Variants in FSTL4 observed in about 807,000 individuals in gnomAD.
FSTL4 encodes follistatin like 4.
FSTL4 carries 28 observed loss-of-function variants against 78.2 expected under a neutral mutation model. The observed-to-expected ratio is 0.36, with a 90% CI of 0.27 to 0.49. The LOEUF (loss-of-function observed/expected upper bound fraction) is 0.49. Among genes scored for constraint, FSTL4 ranks in the 20% least tolerant of loss-of-function variants. The pLI is 0.98. For synonymous variants in FSTL4, 422 were observed against 440.5 expected (o/e 0.96, Z 0.53); for missense variants, 922 against 1,084.9 (o/e 0.85, Z 2.11).
the FSTL4 span, among the ~76,000 whole-genome samples, chr5:133,762,644 C>T: frequency 6.6e-6 from 1 of 152,210 alleles, no homozygotes; most frequent in Non-Finnish European, 1.5e-5. Context: ...CTGCTGCCCT[C>T]CATGTGTTAA....
chr5:133,742,628 C>T, the FSTL4 span, among the ~76,000 whole-genome samples: 1 of 152,036 alleles, frequency 6.6e-6, no homozygotes, highest in Non-Finnish European at 1.5e-5. Context: ...TCTCGGAGGG[C>T]TGACCCTAAG....
the FSTL4 span, among the ~76,000 whole-genome samples, chr5:133,759,610 T>C: frequency 6.6e-6 from 1 of 152,214 alleles, no homozygotes; most frequent in East Asian, 1.9e-4. Flanking sequence ...TATACAAGTA[T>C]ACAAAAAATT....
At chr5:133,558,751 A>G (rs1298093404) in intron 3 of FSTL4, among the ~76,000 whole-genome samples, 1 of 152,168 alleles carries the variant, frequency 6.6e-6, no homozygotes, top group Non-Finnish European at 1.5e-5. Flanking sequence ...GTTAGAATGC[A>G]CAGGATTTTC....
At chr5:133,375,413 C>A (rs1755411373) in intron 4 of FSTL4, among the ~76,000 whole-genome samples, 1 of 150,178 alleles carries the variant, frequency 6.7e-6, no homozygotes, top group African/African-American at 2.4e-5. Context: ...GTCCTAAATT[C>A]TCTGGAAATA....
At chr5:133,772,283 A>C in the FSTL4 span, among the ~76,000 whole-genome samples, 1 of 152,196 alleles carries the variant, frequency 6.6e-6, no homozygotes, top group Non-Finnish European at 1.5e-5. Flanking sequence ...TTTACAAAAA[A>C]CAGCATGAGG....
At chr5:133,431,480 G>T (rs1423200698) in intron 3 of FSTL4, among the ~76,000 whole-genome samples, 2 of 152,188 alleles carry the variant, frequency 1.3e-5, no homozygotes, top group African/African-American at 2.4e-5. Context: ...CTGCAGGAGA[G>T]ACCGGGAGGA....
intron 3 of FSTL4, among the ~76,000 whole-genome samples, chr5:133,514,215 A>AATC (rs1758805714): frequency 1.4e-5 from 2 of 144,152 alleles, no homozygotes; most frequent in Non-Finnish European, 3.0e-5. Context: ...TAATAATAAT[A>AATC]ATAATAATAA....
chr5:133,319,684 T>C (rs1753999113), intron 4 of FSTL4, among the ~76,000 whole-genome samples: 6 of 152,176 alleles, frequency 3.9e-5, no homozygotes. Context: ...CCGTACATCA[T>C]GCTGTTCAAA....
the FSTL4 span, among the ~76,000 whole-genome samples, chr5:133,811,557 A>G: frequency 6.6e-6 from 1 of 152,174 alleles, no homozygotes; most frequent in South Asian, 2.1e-4. Context: ...TTCCTCAAAC[A>G]CAAATCAGCA....
At chr5:133,272,538 G>C (rs143702377) in intron 6 of FSTL4, among the ~76,000 whole-genome samples, 1 of 152,146 alleles carries the variant, frequency 6.6e-6, no homozygotes, top group African/African-American at 2.4e-5. Context: ...ATTTAATTTC[G>C]CAAGAGTTTT....
chr5:133,279,828 G>T (rs1005072573), intron 6 of FSTL4, among the ~76,000 whole-genome samples: 2 of 152,220 alleles, frequency 1.3e-5, no homozygotes, highest in African/African-American at 4.8e-5. Context: ...ATTACTTAAG[G>T]ATCTTGAGAT....
chr5:133,724,659 C>T, the FSTL4 span, among the ~76,000 whole-genome samples: 1 of 152,140 alleles, frequency 6.6e-6, no homozygotes, highest in African/African-American at 2.4e-5. Context: ...AATACATTCT[C>T]TCAATCTGCG....
chr5:133,836,818 G>C, the FSTL4 span, among the ~76,000 whole-genome samples: 1 of 152,088 alleles, frequency 6.6e-6, no homozygotes, highest in African/African-American at 2.4e-5. Context: ...TCAGTGTCAC[G>C]CTCACTGTTG....
At chr5:133,830,614 A>G in the FSTL4 span, among the ~76,000 whole-genome samples, 51,825 of 151,990 alleles carry the variant, frequency 0.34, 9,657 homozygotes, top group Middle Eastern at 0.44. Flanking sequence ...AATCATCCCC[A>G]CTTCCCAGAT....
At chr5:133,801,177 A>G in the FSTL4 span, among the ~76,000 whole-genome samples, 1 of 152,020 alleles carries the variant, frequency 6.6e-6, no homozygotes, top group Non-Finnish European at 1.5e-5. Context: ...GACCCCACAC[A>G]TTGGTGCCCA....
intron 6 of FSTL4, 54 bp from the exon 7 acceptor site, chr5:133,249,630 T>C: frequency 1.4e-6 from 2 of 1,452,854 alleles, no homozygotes; most frequent in South Asian, 2.4e-5. Flanking sequence ...GATTGGAGTC[T>C]CAACTCAAGG....
At chr5:133,589,218 A>G (rs1580807106) in intron 2 of FSTL4, among the ~76,000 whole-genome samples, 2 of 68,346 alleles carry the variant, frequency 2.9e-5, no homozygotes, top group South Asian at 1.2e-3. Flanking sequence ...GCGCACCAGC[A>G]TGGCACATGT....
chr5:133,455,367 C>G (rs1229253710), intron 3 of FSTL4, among the ~76,000 whole-genome samples: 4 of 152,144 alleles, frequency 2.6e-5, no homozygotes, highest in African/African-American at 7.2e-5. Flanking sequence ...AAACGCTGAA[C>G]CCATAAGAAT....
intron 3 of FSTL4, among the ~76,000 whole-genome samples, chr5:133,520,961 A>T (rs1188778130): frequency 6.6e-6 from 1 of 152,156 alleles, no homozygotes; most frequent in South Asian, 2.1e-4. Flanking sequence ...CCATGTAAGG[A>T]AAGATGTGGG....
Sources: gnomAD v4.1 joint callset for allele counts (sites outside exome capture counted in the v4.1 genomes callset) on GRCh38, gnomAD v4.1.1 for gene constraint, MANE v1.5 for transcripts, NCBI Gene and HGNC (gene_info 2026-07-23, HGNC 2026-07-21) for gene names.